Variants in IL1R1 observed in about 807,000 individuals in gnomAD.
The protein encoded by IL1R1 is interleukin-1 receptor type 1.
A neutral mutation model predicts 50.2 loss-of-function variants in IL1R1; 22 were observed. That is an observed-to-expected ratio of 0.44 (90% CI 0.31 to 0.63). The LOEUF (loss-of-function observed/expected upper bound fraction) is 0.63. Among genes scored for constraint, IL1R1 ranks in the 20% least tolerant of loss-of-function variants. The probability of loss-of-function intolerance (pLI) is 0.07; values close to 1 mark genes in which losing one functional copy is unlikely to be tolerated. For synonymous variants in IL1R1, 251 were observed against 236.7 expected (o/e 1.06, Z -0.55); for missense variants, 509 against 676.2 (o/e 0.75, Z 2.74).
chr2:102,127,657 C>CTGTGTGTGTGTGTGTGTG (rs60587758), intron 1 of IL1R1, among the ~76,000 whole-genome samples: 1 of 144,844 alleles, frequency 6.9e-6, no homozygotes, highest in Non-Finnish European at 1.5e-5. Context: ...GTGTGTGTGA[C>CTGTGTGTGTGTGTGTGTG]TGTGTGTGTG....
intron 1 of IL1R1, among the ~76,000 whole-genome samples, chr2:102,149,786 C>G (rs1683490936): frequency 6.6e-6 from 1 of 152,026 alleles, no homozygotes. Context: ...TGGAAGGGAG[C>G]TGGGGAGAGG....
Position 102,084,710 on chromosome 2 carries a change from ATACTTTGGTTGACATT to A in IL1R1, c.-84+14179_-84+14194del, listed in dbSNP as rs540872667. On this transcript the variant is annotated intron_variant, in intron 1 of 11. Coordinates refer to the IL1R1 transcript ENST00000409929. Reference sequence around the variant, plus strand: ...GGCTGCTATGAGTATTTTTGTATACATACTTTGGTTGACATTTCTACTATTTTCTGTTGGTCTTGTA... The same window carrying A: ...GGCTGCTATGAGTATTTTTGTATACATCTACTATTTTCTGTTGGTCTTGTA... Among the ~76,000 whole-genome samples the A allele has an allele frequency of 7.8e-3, 1,184 of 152,314 alleles. 12 individuals are homozygous for A. The highest frequency in any genetic ancestry group is 0.028 in the African/African-American group (1,149 of 41,564).
At chr2:102,102,890 A>G (rs565993736), upstream of IL1R1, among the ~76,000 whole-genome samples, 1 of 152,258 alleles carries the variant, frequency 6.6e-6, no homozygotes, top group Non-Finnish European at 1.5e-5. Flanking sequence ...GAGAACTAAC[A>G]CAGAAACAGA....
At position 102,165,309 on chromosome 2, in the gene IL1R1, T is replaced by A; in HGVS notation, c.486+5T>A. 1 of 1,454,912 alleles carries A rather than the reference T, an allele frequency of 6.9e-7. No homozygotes were observed. Among genetic ancestry groups the A allele is most frequent in the Non-Finnish European group, 9.3e-7 (1 of 1,072,910 alleles). 90.1% of individuals were successfully genotyped at this position (1,454,912 alleles called of 1,614,324 possible). ...CCTAAATTACAGTGGTATAAGGTAATTTTATTTTAAATATGACATTTCACT... is the reference window on the plus strand; with the variant it reads ...CCTAAATTACAGTGGTATAAGGTAAATTTATTTTAAATATGACATTTCACT... On this transcript the variant is annotated splice_donor_5th_base_variant and intron_variant, in intron 5 of 11. Transcript: ENST00000410023.
chr2:102,078,555 A>G (rs1166637537), intron 1 of IL1R1, among the ~76,000 whole-genome samples: 2 of 137,476 alleles, frequency 1.5e-5, no homozygotes, highest in Non-Finnish European at 3.1e-5. Flanking sequence ...TTAGCAGTCA[A>G]AAAACTTCAC....
intron 3 of IL1R1, among the ~76,000 whole-genome samples, chr2:102,162,472 T>A (rs1684815242): frequency 1.3e-5 from 2 of 152,216 alleles, no homozygotes; most frequent in Non-Finnish European, 2.9e-5. Flanking sequence ...TCAATTCTGT[T>A]ATTTTTTTCT....
intron 8 of IL1R1, 189 bp downstream of exon 8, chr2:102,172,107 C>A: frequency 5.8e-6 from 1 of 173,904 alleles, no homozygotes; most frequent in Non-Finnish European, 8.7e-6. Flanking sequence ...GTAAAAAATA[C>A]TTGTCATTGT....
chr2:102,097,930 T>C (rs147908823), intron 1 of IL1R1, among the ~76,000 whole-genome samples: 169 of 152,166 alleles, frequency 1.1e-3, no homozygotes, highest in African/African-American at 4.0e-3. Flanking sequence ...TATATGAAGC[T>C]GGAATACCAT....
At chr2:102,100,401 T>A (rs928283273), upstream of IL1R1, among the ~76,000 whole-genome samples, 2 of 152,190 alleles carry the variant, frequency 1.3e-5, no homozygotes, top group African/African-American at 4.8e-5. Flanking sequence ...AGCCTGAGGC[T>A]TTCCAGTAGA....
chr2:102,088,958 G>C (rs936696105), intron 1 of IL1R1, among the ~76,000 whole-genome samples: 3 of 152,196 alleles, frequency 2.0e-5, no homozygotes, highest in Non-Finnish European at 4.4e-5. Context: ...TTAGGGCCTT[G>C]CTCTGTGTTA....
chr2:102,140,397 T>C (rs1682577644), upstream of IL1R1, among the ~76,000 whole-genome samples: 1 of 152,194 alleles, frequency 6.6e-6, no homozygotes, highest in African/African-American at 2.4e-5. Context: ...GAGGAGAAAC[T>C]GAAAACCCTC....
chr2:102,131,931 A>G (rs1338902533), intron 1 of IL1R1, among the ~76,000 whole-genome samples: 1 of 152,160 alleles, frequency 6.6e-6, no homozygotes, highest in African/African-American at 2.4e-5. Context: ...TAAAGAAAAA[A>G]TCTTAGAAGC....
chr2:102,165,095 C>A lies in IL1R1; in HGVS notation c.297-20C>A. 1 of 1,539,756 alleles carries A rather than the reference C, an allele frequency of 6.5e-7. No homozygotes were observed. The highest frequency in any genetic ancestry group is 8.8e-7 in the Non-Finnish European group (1 of 1,135,452). On this transcript the variant is annotated intron_variant, in intron 4 of 11. Coordinates refer to ENST00000410023, the MANE Select transcript of IL1R1 (RefSeq NM_000877.4). ...AATACTTTTAATAATGCTTAACTTA[C>A]CTATTTTATTTTATTTTAGAAATTC...
chr2:102,070,683 C>T (rs73943961), intron 1 of IL1R1: 2,956 of 152,142 alleles, frequency 0.019, 91 homozygotes, highest in African/African-American at 0.066. Flanking sequence ...TAAGGTTCAC[C>T]GAACCTCCAA....
intron 6 of IL1R1, among the ~76,000 whole-genome samples, chr2:102,167,000 A>T (rs561766797): frequency 6.6e-6 from 1 of 152,360 alleles, no homozygotes; most frequent in South Asian, 2.1e-4. Flanking sequence ...GCCAGGGGAT[A>T]GTCAGAATGC....
rs750044203 is a variant in IL1R1, at chr2:102,176,435, C to T, written c.1386C>T (p.Ser462=). The part of the protein sequence containing the change: ...IILVRETSGF[S]WLGGSSEEQI... ...TAGTCAGAGAAACATCAGGCTTCAG[C>T]TGGCTGGGTGGTTCATCTGAAGAGC... is the stretch of plus-strand genomic sequence containing the variant. Residue 462 remains serine (S), a synonymous_variant, in exon 12 of 12, where the codon AGC becomes AGT. Transcript: ENST00000410023. 3 of 1,614,112 alleles carry T rather than the reference C, an allele frequency of 1.9e-6. No individual in the cohort carries two copies. The highest frequency in any genetic ancestry group is 1.3e-5 in the African/African-American group (1 of 75,054).
intron 1 of IL1R1, among the ~76,000 whole-genome samples, chr2:102,134,381 T>TC (rs1559479913): frequency 6.9e-6 from 1 of 144,676 alleles, no homozygotes; most frequent in East Asian, 2.0e-4. Flanking sequence ...TTCTTTTCTT[T>TC]CTTTTTTTTT....
chr2:102,160,338 C>T (rs1684605222), intron 3 of IL1R1, among the ~76,000 whole-genome samples: 1 of 151,856 alleles, frequency 6.6e-6, no homozygotes, highest in Non-Finnish European at 1.5e-5. Context: ...CTTTTGGTAT[C>T]TTTGATTTTT....
At position 102,109,042 on chromosome 2, in the gene IL1R1, C is replaced by T. The variant is rs187074184; in HGVS notation, c.-84+4170C>T. Among the ~76,000 whole-genome samples the T allele has an allele frequency of 3.6e-3, 539 of 151,588 alleles. 6 individuals are homozygous for T. The highest frequency in any genetic ancestry group is 7.8e-3 in the African/African-American group (321 of 41,266). On this transcript the variant is annotated intron_variant, in intron 1 of 10. Transcript: ENST00000409329. ...AGGTAGGAGACCTGGTTTTAGGTAC[C>T]GCTCATATAAAATAATCAGTACTAT...
Sources: allele counts gnomAD v4.1 joint callset (sites outside exome capture counted in the v4.1 genomes callset), GRCh38; gene constraint gnomAD v4.1.1; transcripts MANE v1.5; gene names NCBI Gene and HGNC (gene_info 2026-07-23, HGNC 2026-07-21).